LIM2: variants seen among roughly 807,000 people sequenced by gnomAD.
The protein encoded by LIM2 is lens fiber membrane intrinsic protein.
A neutral mutation model predicts 19.0 loss-of-function variants in LIM2; 14 were observed. The ratio of observed to expected loss-of-function variants is 0.74; its 90% CI spans 0.49 to 1.15. The LOEUF is 1.15. Among genes scored for constraint, LIM2 ranks in the 50% most tolerant of loss-of-function variants. The pLI is 0.00. For missense variants in LIM2, 230 were observed against 243.5 expected (o/e 0.94, Z 0.37); for synonymous variants, 78 against 89.6 (o/e 0.87, Z 0.73).
intron 2 of LIM2, among the ~76,000 whole-genome samples, chr19:51,386,591 TATATA>T (rs57194507): frequency 0.11 from 16,361 of 148,338 alleles, 1,209 homozygotes; most frequent in East Asian, 0.33. Flanking sequence ...TTCTACATCA[TATATA>T]ATATATTACA....
At chr19:51,381,278 G>A (rs1306647385) in intron 3 of LIM2, among the ~76,000 whole-genome samples, 3 of 152,038 alleles carry the variant, frequency 2.0e-5, no homozygotes, top group Non-Finnish European at 2.9e-5. Context: ...AGCTGAGATC[G>A]AGCCACTACA....
intron 2 of LIM2, among the ~76,000 whole-genome samples, chr19:51,385,093 C>T (rs1273080124): frequency 6.6e-6 from 1 of 151,958 alleles, no homozygotes; most frequent in Non-Finnish European, 1.5e-5. Context: ...AACACCTAGG[C>T]TCAAGTGATC....
intron 2 of LIM2, among the ~76,000 whole-genome samples, chr19:51,384,274 T>C (rs1475511302): frequency 1.3e-5 from 2 of 151,912 alleles, no homozygotes; most frequent in African/African-American, 2.4e-5. Flanking sequence ...CTACTAAAAA[T>C]ACAAAAATTA....
rs780076145 is a variant in LIM2 at position 51,380,499 on chromosome 19, C to T, written c.460+6G>A. The T allele has an allele frequency of 1.2e-6, 2 of 1,614,088 alleles. No individual in the cohort carries two copies. Among genetic ancestry groups the T allele is most frequent in the African/African-American group, 2.7e-5 (2 of 74,932 alleles). ...CACTGACCTTCCCACCCCTTGCCCC[C>T]AGTACCTGCGAAGAACGTCATGAGC... On this transcript the variant is annotated splice_donor_region_variant and intron_variant, in intron 4 of 4. Transcript: ENST00000596399.
At chr19:51,380,383 G>A (rs1703347722) in intron 4 of LIM2, 121 bp from the exon 5 acceptor site, 2 of 1,554,532 alleles carry the variant, frequency 1.3e-6, no homozygotes, top group Middle Eastern at 1.8e-4. Flanking sequence ...GACTCCATAG[G>A]CCTGGAGTCT....
chr19:51,381,897 G>GT (rs34269527), intron 3 of LIM2, among the ~76,000 whole-genome samples: 1 of 152,030 alleles, frequency 6.6e-6, no homozygotes, highest in South Asian at 2.1e-4. Context: ...GGCTAATTTT[G>GT]TTTTGTATTT....
At chr19:51,385,860 C>T (rs1393371897) in intron 2 of LIM2, among the ~76,000 whole-genome samples, 1 of 152,198 alleles carries the variant, frequency 6.6e-6, no homozygotes, top group Non-Finnish European at 1.5e-5. Context: ...TGGGCGAAGT[C>T]TCCCATGCCT....
intron 2 of LIM2, among the ~76,000 whole-genome samples, chr19:51,383,334 C>T (rs1293063061): frequency 6.6e-6 from 1 of 152,174 alleles, no homozygotes; most frequent in Non-Finnish European, 1.5e-5. Flanking sequence ...TGCGCCCAGC[C>T]TACTCTTTCA....
chr19:51,381,870 C>T (rs771367529), intron 3 of LIM2, among the ~76,000 whole-genome samples: 3 of 152,162 alleles, frequency 2.0e-5, no homozygotes, highest in South Asian at 2.1e-4. Context: ...GGACCACAGG[C>T]GCCCGACACC....
chr19:51,381,787 A>G lies in LIM2; in HGVS notation c.325+631T>C, dbSNP rs148904446. Among the ~76,000 whole-genome samples, 229 of 152,246 alleles carry G rather than the reference A, an allele frequency of 1.5e-3. 11 individuals are homozygous for G. The highest frequency in any genetic ancestry group is 0.015 in the East Asian group (76 of 5,176). ...GTCGCCCAGGCTGGAGTGCAGTGGC[A>G]CAATCCCAGCTCACTGCAAGCTCCG... On this transcript the variant is annotated intron_variant, in intron 3 of 4. Transcript: ENST00000596399.
intron 3 of LIM2, among the ~76,000 whole-genome samples, chr19:51,381,132 G>A (rs1378541311): frequency 2.0e-5 from 3 of 152,002 alleles, no homozygotes; most frequent in Non-Finnish European, 2.9e-5. Context: ...TCAACATGGT[G>A]AAACCCCGTC....
At chr19:51,382,368 G>A (rs368218724) in intron 3 of LIM2, 50 bp downstream of exon 3, 74 of 1,605,168 alleles carry the variant, frequency 4.6e-5, no homozygotes, top group Middle Eastern at 1.7e-4. Flanking sequence ...ACAGATTGGG[G>A]TTTGAGATGA....
chr19:51,384,548 A>G (rs956123397), intron 2 of LIM2, among the ~76,000 whole-genome samples: 2 of 152,254 alleles, frequency 1.3e-5, no homozygotes, highest in East Asian at 3.8e-4. Context: ...GGGGTGATGC[A>G]TCTCCAAACC....
chr19:51,387,572 G>C (rs2123676845), intron 1 of LIM2, 123 bp from the exon 2 acceptor site: 1 of 1,401,860 alleles, frequency 7.1e-7, no homozygotes. Flanking sequence ...TGGAGACCTA[G>C]ACGCCTGGGT....
chr19:51,382,705 T>C (rs1045606733), intron 2 of LIM2, 138 bp from the exon 3 acceptor site: 1 of 1,181,182 alleles, frequency 8.5e-7, no homozygotes, highest in Non-Finnish European at 1.2e-6. Flanking sequence ...AAATGCCCTC[T>C]TCTTCACCTG....
Position 51,382,551 on chromosome 19 carries a change from G to T in LIM2, c.192C>A (p.Thr64=). The change falls in exon 3 of 5, where the codon ACC becomes ACA. Residue 64 remains threonine, a synonymous_variant. Transcript: ENST00000596399. Reference sequence around the variant, plus strand: ...GGGCAGACAGGATCATGAAGGCCCGGGTGGCATTCCAGTATGCTGTGGGAG... The same window carrying T: ...GGGCAGACAGGATCATGAAGGCCCGTGTGGCATTCCAGTATGCTGTGGGAG... ...QTDSIAYWNA[T]RAFMILSALC... 1 of 1,613,698 alleles carries T rather than the reference G, an allele frequency of 6.2e-7. No individual in the cohort carries two copies. Among genetic ancestry groups the T allele is most frequent in the Non-Finnish European group, 8.5e-7 (1 of 1,179,872 alleles).
rs1192079694 is a variant in LIM2 at position 51,380,010 on chromosome 19, T to C, written c.*191A>G. 1.8e-5 allele frequency: 11 copies of C among 626,518 alleles called. No homozygotes were observed. Among genetic ancestry groups the C allele is most frequent in the Non-Finnish European group, 3.1e-5 (11 of 351,688 alleles). 38.8% of individuals were successfully genotyped at this position (626,518 alleles called of 1,614,324 possible). ...AGACGGGGACTTGAGTCTTCTCAGC[T>C]CCCTCCCATGGGCCCTATTCTTCCT... On this transcript the variant is annotated 3_prime_UTR_variant, in exon 5 of 5. Coordinates refer to ENST00000596399, the MANE Select transcript of LIM2 (RefSeq NM_001161748.2).
intron 2 of LIM2, among the ~76,000 whole-genome samples, chr19:51,386,472 C>CCTT (rs1987045972): frequency 7.9e-6 from 1 of 127,234 alleles, no homozygotes; most frequent in Admixed American, 7.9e-5. Context: ...ATATACTCTA[C>CCTT]ATTATTAATT....
At chr19:51,380,741 A>C in intron 3 of LIM2, 102 bp from the exon 4 acceptor site, 1 of 1,320,950 alleles carries the variant, frequency 7.6e-7, no homozygotes, top group Non-Finnish European at 1.1e-6. Context: ...AGATTGGGGA[A>C]AGGGGTGGAA....
Sources: gnomAD v4.1 joint callset for allele counts (sites outside exome capture counted in the v4.1 genomes callset) on GRCh38, gnomAD v4.1.1 for gene constraint, MANE v1.5 for transcripts, NCBI Gene and HGNC (gene_info 2026-07-23, HGNC 2026-07-21) for gene names.